PSD3: variants seen among roughly 807,000 people sequenced by gnomAD.
PSD3 encodes PH and SEC7 domain-containing protein 3.
In PSD3, 49 loss-of-function variants were observed where a neutral mutation model predicts 105.5. The observed-to-expected ratio is 0.46, with a 90% confidence interval of 0.37 to 0.59. PSD3 has a LOEUF of 0.59. PSD3 is among the 20% of genes least tolerant of loss of function. The probability of loss-of-function intolerance (pLI) is 0.00; values close to 1 mark genes in which losing one functional copy is unlikely to be tolerated. For synonymous variants in PSD3, 557 were observed against 457.8 expected (o/e 1.22, Z -2.77); for missense variants, 1,561 against 1,263.8 (o/e 1.24, Z -3.57).
chr8:18,603,973 T>C (rs1804627324), intron 11 of PSD3, among the ~76,000 whole-genome samples: 1 of 152,196 alleles, frequency 6.6e-6, no homozygotes, highest in South Asian at 2.1e-4. Flanking sequence ...AATTACCCAG[T>C]CTCAGGTTTT....
intron 1 of PSD3, among the ~76,000 whole-genome samples, chr8:19,078,010 G>GTC (rs10622365): frequency 0.95 from 143,853 of 152,044 alleles, 68,629 homozygotes; most frequent in East Asian, 1. Flanking sequence ...GTATCCTATA[G>GTC]TCTATAAATC....
rs57891868 is a variant in PSD3, at chr8:19,074,584, G to GATATATATATATATATATATAT, written c.324+9621_324+9622insATATATATATATATATATATAT. On this transcript the variant is annotated intron_variant, in intron 1 of 1. Coordinates refer to the PSD3 transcript ENST00000521475. The stretch of plus-strand genomic sequence containing the variant: ...ATAAAAGGTATAATTTTACAACTCA[G>GATATATATATATATATATATAT]ATATATACATATATATATATATATA... Among the ~76,000 whole-genome samples, 17 of 99,526 alleles carry GATATATATATATATATATATAT rather than the reference G, an allele frequency of 1.7e-4. 1 individual carries two copies. The highest frequency in any genetic ancestry group is 2.7e-4 in the Non-Finnish European group (13 of 47,856). The allele number at this position is 99,526 out of a possible 152,430, so 65.3% of individuals were successfully genotyped here.
intron 1 of PSD3, among the ~76,000 whole-genome samples, chr8:19,011,763 C>T (rs991020741): frequency 1.8e-4 from 22 of 121,880 alleles, no homozygotes; most frequent in Middle Eastern, 8.2e-3. Flanking sequence ...TTCTTATGCT[C>T]GCATTTAAAA....
intron 4 of PSD3, among the ~76,000 whole-genome samples, chr8:18,844,737 A>C (rs1814939579): frequency 1.3e-5 from 2 of 152,242 alleles, no homozygotes; most frequent in Admixed American, 1.3e-4. Context: ...ACAAAAACCA[A>C]TGTGTAAGAG....
intron 1 of PSD3, among the ~76,000 whole-genome samples, chr8:18,985,380 G>C (rs1471265156): frequency 6.6e-6 from 1 of 152,040 alleles, no homozygotes; most frequent in Non-Finnish European, 1.5e-5. Context: ...AGAATATCTG[G>C]GGCCCTAAAT....
intron 2 of PSD3, among the ~76,000 whole-genome samples, chr8:18,905,101 T>C (rs1452559347): frequency 6.6e-6 from 1 of 152,208 alleles, no homozygotes. Context: ...AAGTAGCTTA[T>C]AGCCAGGACT....
intron 1 of PSD3, among the ~76,000 whole-genome samples, chr8:19,074,588 T>TAC (rs1563546413): frequency 1.5e-3 from 20 of 13,404 alleles, no homozygotes; most frequent in Non-Finnish European, 6.4e-3. Context: ...AACTCAGATA[T>TAC]ATACATATAT....
At chr8:18,933,125 T>G (rs892402838) in intron 2 of PSD3, among the ~76,000 whole-genome samples, 4 of 152,236 alleles carry the variant, frequency 2.6e-5, no homozygotes, top group Admixed American at 2.6e-4. Context: ...AACGCATGCA[T>G]CCTGTCACAC....
chr8:18,612,814 T>G (rs541500326), intron 11 of PSD3, among the ~76,000 whole-genome samples: 2 of 152,310 alleles, frequency 1.3e-5, no homozygotes, highest in South Asian at 4.1e-4. Flanking sequence ...ATATCAAACA[T>G]GAATGCAAAC....
chr8:18,818,573 T>C (rs902366508), intron 4 of PSD3, among the ~76,000 whole-genome samples: 6 of 152,072 alleles, frequency 3.9e-5, no homozygotes, highest in Non-Finnish European at 8.8e-5. Flanking sequence ...TGACATAAGC[T>C]GGAACAGATT....
chr8:18,737,953 T>C (rs1804276742), intron 9 of PSD3, among the ~76,000 whole-genome samples: 1 of 152,178 alleles, frequency 6.6e-6, no homozygotes, highest in Non-Finnish European at 1.5e-5. Flanking sequence ...CAATTTGTGA[T>C]CAAGAGAAAC....
rs148268004 is a variant in PSD3, at chr8:18,908,430, C to A, written c.130+27604G>T. Reference sequence around the variant, plus strand: ...AGGTCTTTTTAGAACCAAATTCTCCCCATGCTTTCCATGTATTCAAATAAT... The same window carrying A: ...AGGTCTTTTTAGAACCAAATTCTCCACATGCTTTCCATGTATTCAAATAAT... On this transcript the variant is annotated intron_variant, in intron 2 of 15. Coordinates refer to ENST00000327040, the MANE Select transcript of PSD3 (RefSeq NM_015310.4). Among the ~76,000 whole-genome samples the A allele has an allele frequency of 3.4e-3, 510 of 152,238 alleles. 6 individuals carry two copies. The highest frequency in any genetic ancestry group is 0.011 in the African/African-American group (476 of 41,524).
Position 18,720,059 on chromosome 8 carries a change from T to C in PSD3, c.2172+45390A>G, listed in dbSNP as rs554421530. Among the ~76,000 whole-genome samples, 22 of 152,332 alleles carry C rather than the reference T, an allele frequency of 1.4e-4. No homozygotes were observed. In the South Asian group the frequency reaches 2.1e-3, roughly 14 times the overall value. On this transcript the variant is annotated intron_variant, in intron 9 of 15. Transcript: ENST00000327040. ...TAAAATAGAATTCCATGGGCAGTTATGACTGCCCCATTCTGACCCAACTCA... is the reference window on the plus strand; with the variant it reads ...TAAAATAGAATTCCATGGGCAGTTACGACTGCCCCATTCTGACCCAACTCA...
chr8:18,900,791 C>G (rs993182564), intron 2 of PSD3, among the ~76,000 whole-genome samples: 2 of 151,814 alleles, frequency 1.3e-5, no homozygotes, highest in African/African-American at 2.4e-5. Context: ...AGGTGTGCAC[C>G]AACATGGAGA....
intron 1 of PSD3, among the ~76,000 whole-genome samples, chr8:19,043,405 A>C (rs969069908): frequency 2.2e-4 from 33 of 152,234 alleles, no homozygotes; most frequent in African/African-American, 7.5e-4. Context: ...GTTTCTGTAC[A>C]GTTGTCAATA....
At chr8:18,579,679 ACAT>A (rs1406809419) in intron 12 of PSD3, among the ~76,000 whole-genome samples, 1 of 152,208 alleles carries the variant, frequency 6.6e-6, no homozygotes, top group East Asian at 1.9e-4. Context: ...ACTAACATAA[ACAT>A]CATCTACATA....
At chr8:19,033,867 A>G (rs1007290262) in intron 1 of PSD3, among the ~76,000 whole-genome samples, 1 of 152,156 alleles carries the variant, frequency 6.6e-6, no homozygotes, top group Non-Finnish European at 1.5e-5. Flanking sequence ...CAATGTTGTT[A>G]AAGAAAAAGA....
intron 6 of PSD3, among the ~76,000 whole-genome samples, chr8:18,802,651 C>CT (rs1810802879): frequency 6.6e-6 from 1 of 152,178 alleles, no homozygotes; most frequent in Non-Finnish European, 1.5e-5. Flanking sequence ...CACTGCAGTA[C>CT]TACACTCCAG....
At chr8:18,564,253 G>C (rs908951821) in intron 14 of PSD3, among the ~76,000 whole-genome samples, 1 of 152,082 alleles carries the variant, frequency 6.6e-6, no homozygotes, top group African/African-American at 2.4e-5. Flanking sequence ...TTAGTATTGG[G>C]ATAAGGTGAA....
Sources: allele counts gnomAD v4.1 joint callset (sites outside exome capture counted in the v4.1 genomes callset), GRCh38; gene constraint gnomAD v4.1.1; transcripts MANE v1.5; gene names NCBI Gene and HGNC (gene_info 2026-07-23, HGNC 2026-07-21).